The following FBXO36 variants were observed in gnomAD, a reference collection of about 807,000 sequenced individuals.
FBXO36 encodes the protein F-box protein 36.
In FBXO36, 18 loss-of-function variants were observed where a neutral mutation model predicts 17.0. The observed-to-expected ratio is 1.06, with a 90% CI of 0.73 to 1.57. The LOEUF is 1.57. Among genes scored for constraint, FBXO36 ranks in the 40% most tolerant of loss-of-function variants. The pLI is 0.00. For synonymous variants in FBXO36, 83 were observed against 85.3 expected, an observed-to-expected ratio of 0.97 and a Z score of 0.15; for missense variants, 229 against 221.9, an observed-to-expected ratio of 1.03 and a Z score of -0.20.
intron 1 of FBXO36, among the ~76,000 whole-genome samples, chr2:229,961,761 A>G (rs546470621): frequency 2.0e-5 from 3 of 152,324 alleles, no homozygotes; most frequent in African/African-American, 7.2e-5. Flanking sequence ...TTAGGTTTAC[A>G]TATTCATTTG....
At chr2:229,950,287 A>G (rs1444345049) in intron 1 of FBXO36, among the ~76,000 whole-genome samples, 4 of 151,814 alleles carry the variant, frequency 2.6e-5, no homozygotes, top group African/African-American at 9.7e-5. Flanking sequence ...TTAGCTGGGC[A>G]TGGTGGCACG....
At chr2:229,982,952 C>T (rs148835657) in intron 2 of FBXO36, among the ~76,000 whole-genome samples, 13 of 152,102 alleles carry the variant, frequency 8.5e-5, no homozygotes, top group East Asian at 1.9e-4. Flanking sequence ...AAATCAAAAA[C>T]GTTGCTGAAT....
intron 2 of FBXO36, among the ~76,000 whole-genome samples, chr2:229,982,639 T>C (rs1307151389): frequency 1.3e-5 from 2 of 151,648 alleles, no homozygotes; most frequent in Non-Finnish European, 1.5e-5. Context: ...AAACCTCGTC[T>C]CTACTAAAAA....
intron 1 of FBXO36, among the ~76,000 whole-genome samples, chr2:229,957,861 A>G (rs1472452708): frequency 6.6e-6 from 1 of 152,214 alleles, no homozygotes; most frequent in Non-Finnish European, 1.5e-5. Context: ...TGTGCCCTCA[A>G]GAAACTTGGG....
intron 1 of FBXO36, chr2:229,923,314 T>C (rs551960964): frequency 2.6e-5 from 4 of 152,344 alleles, no homozygotes; most frequent in Non-Finnish European, 5.9e-5. Context: ...ATGCCTACTT[T>C]GGTTATTGAA....
intron 3 of FBXO36, among the ~76,000 whole-genome samples, chr2:230,009,369 G>A (rs892693872): frequency 5.9e-5 from 9 of 152,124 alleles, no homozygotes; most frequent in African/African-American, 2.2e-4. Flanking sequence ...AAGAATGTGC[G>A]CTATTTGGTT....
chr2:229,995,160 A>T (rs573219067), intron 2 of FBXO36, among the ~76,000 whole-genome samples: 63 of 152,250 alleles, frequency 4.1e-4, no homozygotes, highest in African/African-American at 1.5e-3. Flanking sequence ...AAAAAATTAC[A>T]CTGGTAATAT....
In FBXO36 at chr2:230,010,838, G is replaced by A. The variant is rs145410117; in HGVS notation, c.521G>A (p.Arg174His). 1.8e-4 allele frequency: 288 copies of A among 1,613,308 alleles called. No individual in the cohort carries two copies. Among genetic ancestry groups the A allele is most frequent in the Admixed American group, 6.2e-4 (37 of 59,912 alleles). The change falls in exon 4 of 4, where the codon CGC becomes CAC. Residue 174 changes from arginine (R) to histidine (H), a missense_variant. Coordinates refer to ENST00000283946, the MANE Select transcript of FBXO36 (RefSeq NM_174899.5). ...TNKLQLQRQLRKRKQKYGNLR... is the reference protein window; with the variant it reads ...TNKLQLQRQLHKRKQKYGNLR... ...AAGCTCCAGCTCCAGCGGCAGCTCC[G>A]CAAGAGGAAACAAAAATATGGAAAC...
intron 1 of FBXO36, chr2:229,973,334 A>G (rs1016058467): frequency 6.6e-6 from 1 of 152,154 alleles, no homozygotes; most frequent in Admixed American, 6.6e-5. Flanking sequence ...TTGGCAGCAC[A>G]TATACTAAAA....
intron 1 of FBXO36, among the ~76,000 whole-genome samples, chr2:229,947,969 A>G (rs2077036294): frequency 6.6e-6 from 1 of 152,176 alleles, no homozygotes; most frequent in Admixed American, 6.5e-5. Flanking sequence ...GATTACCTAG[A>G]CAGAGGAGGG....
chr2:229,942,407 C>A (rs1181387031), intron 1 of FBXO36, among the ~76,000 whole-genome samples: 1 of 152,158 alleles, frequency 6.6e-6, no homozygotes, highest in Non-Finnish European at 1.5e-5. Flanking sequence ...TCTTTACCTA[C>A]CCTGCATAAA....
chr2:229,954,161 A>ACC (rs2077071707), intron 1 of FBXO36, among the ~76,000 whole-genome samples: 1 of 150,170 alleles, frequency 6.7e-6, no homozygotes, highest in Non-Finnish European at 1.5e-5. Flanking sequence ...ACCACACTCA[A>ACC]CCTTATTTAA....
chr2:229,994,564 C>CT (rs1442474426), intron 2 of FBXO36, among the ~76,000 whole-genome samples: 1 of 152,196 alleles, frequency 6.6e-6, no homozygotes, highest in Non-Finnish European at 1.5e-5. Context: ...TGCAGGGAGC[C>CT]TATTGCCCTT....
intron 1 of FBXO36, among the ~76,000 whole-genome samples, chr2:229,947,787 G>C (rs978152786): frequency 3.3e-5 from 5 of 152,216 alleles, no homozygotes; most frequent in African/African-American, 4.8e-5. Context: ...AAGTGGACTA[G>C]GTAGGTTTCA....
intron 1 of FBXO36, among the ~76,000 whole-genome samples, chr2:229,950,282 T>A (rs1307273718): frequency 3.3e-5 from 5 of 151,646 alleles, no homozygotes; most frequent in Non-Finnish European, 7.4e-5. Flanking sequence ...AAAAATTAGC[T>A]GGGCATGGTG....
intron 2 of FBXO36, among the ~76,000 whole-genome samples, chr2:229,989,440 A>G (rs2077286913): frequency 6.6e-6 from 1 of 151,148 alleles, no homozygotes; most frequent in Non-Finnish European, 1.5e-5. Context: ...TATTTTTAGT[A>G]GAGACAGGGT....
At chr2:229,950,330 G>A (rs1047593930) in intron 1 of FBXO36, among the ~76,000 whole-genome samples, 4 of 152,074 alleles carry the variant, frequency 2.6e-5, no homozygotes, top group Admixed American at 6.6e-5. Flanking sequence ...GGAAGCTGAG[G>A]CAGGAGAATC....
chr2:229,976,778 C>G (rs2077211022), intron 2 of FBXO36: 1 of 153,160 alleles, frequency 6.5e-6, no homozygotes, highest in Non-Finnish European at 1.4e-5. Context: ...GAGATCAGAC[C>G]ATTGCACTCC....
chr2:230,004,896 C>T (rs895096164), intron 3 of FBXO36, among the ~76,000 whole-genome samples: 2 of 152,064 alleles, frequency 1.3e-5, no homozygotes, highest in Non-Finnish European at 2.9e-5. Context: ...ATCCCAGCTA[C>T]TTGGGAGGCT....
Sources: gnomAD v4.1 joint callset for allele counts (sites outside exome capture counted in the v4.1 genomes callset) on GRCh38, gnomAD v4.1.1 for gene constraint, MANE v1.5 for transcripts, NCBI Gene and HGNC (gene_info 2026-07-23, HGNC 2026-07-21) for gene names.